UGT2B17: variants seen among roughly 807,000 people sequenced by gnomAD.
UGT2B17 encodes UDP glucuronosyltransferase family 2 member B17, also known as UDP-glucuronosyltransferase 2B17.
In UGT2B17, 21 loss-of-function variants were observed where a neutral mutation model predicts 48.2. The observed-to-expected ratio is 0.44, with a 90% CI of 0.31 to 0.63. The LOEUF (loss-of-function observed/expected upper bound fraction) is 0.63. UGT2B17 is among the 20% of genes least tolerant of loss of function. The pLI is 0.08. For missense variants in UGT2B17, 402 were observed against 696.1 expected (o/e 0.58, Z 4.75); for synonymous variants, 146 against 238.4 (o/e 0.61, Z 3.57).
chr4:68,571,006 A>G (rs1249579844), intron 1 of UGT2B17, among the ~76,000 whole-genome samples: 1 of 126,018 alleles, frequency 7.9e-6, no homozygotes, highest in African/African-American at 2.7e-5. Context: ...GTCTATTTTG[A>G]TAGATTGCAT....
intron 1 of UGT2B17, among the ~76,000 whole-genome samples, chr4:68,569,626 G>A (rs1418053640): frequency 1.6e-5 from 2 of 125,302 alleles, no homozygotes; most frequent in Non-Finnish European, 3.4e-5. Flanking sequence ...ATGCAAGGCT[G>A]CTTGCATCAG....
In UGT2B17 at chr4:68,547,445, C is replaced by T. The variant is rs1334783055; in HGVS notation, c.1313+3232G>A. 4.0e-5 allele frequency among the ~76,000 whole-genome samples: 5 copies of T among 125,620 alleles called. 1 individual carries two copies. Among genetic ancestry groups the T allele is most frequent in the African/African-American group, 1.4e-4 (5 of 36,808 alleles). 82.4% of individuals were successfully genotyped at this position (125,620 alleles called of 152,430 possible). ...TAATTGAAGATGGATTAAAGACTTA[C>T]ATGTTAGACCTAAAACCATAAAAAC... On this transcript the variant is annotated intron_variant, in intron 6 of 6. Transcript: ENST00000317746.
Position 68,571,776 on chromosome 4 carries a change from C to T in UGT2B17, c.-64-3228G>A, listed in dbSNP as rs1215686900. Among the ~76,000 whole-genome samples, 2 of 125,340 alleles carry T rather than the reference C, an allele frequency of 1.6e-5. 1 individual carries two copies. Among genetic ancestry groups the T allele is most frequent in the Admixed American group, 1.6e-4 (2 of 12,214 alleles). The allele number at this position is 125,340 out of a possible 152,430, so 82.2% of individuals were successfully genotyped here. ...GAGGTGACTTGTAGAGACTGGGCTA[C>T]GTGTTAGGCTAATTGCAAAAAGAAA... is the stretch of plus-strand genomic sequence containing the variant. On this transcript the variant is annotated intron_variant, in intron 1 of 6. Transcript: ENST00000317746.
chr4:68,554,409 C>G (rs1730966648), intron 4 of UGT2B17, among the ~76,000 whole-genome samples: 1 of 125,856 alleles, frequency 7.9e-6, no homozygotes, highest in African/African-American at 2.7e-5. Context: ...GTCCTACAAA[C>G]TGTAGAGTTC....
intron 4 of UGT2B17, 134 bp from the exon 5 acceptor site, chr4:68,552,045 T>C: frequency 1.7e-6 from 1 of 593,310 alleles, no homozygotes; most frequent in African/African-American, 2.0e-5. Context: ...TGTCAAGTAA[T>C]GAGAACTACT....
rs2109763439 is a variant in UGT2B17, at chr4:68,547,753, C to T, written c.1313+2924G>A. 1.6e-5 allele frequency among the ~76,000 whole-genome samples: 2 copies of T among 124,864 alleles called. 1 individual carries two copies. Among genetic ancestry groups the T allele is most frequent in the African/African-American group, 5.4e-5 (2 of 36,812 alleles). The allele number at this position is 124,864 out of a possible 152,430, so 81.9% of individuals were successfully genotyped here. The stretch of plus-strand genomic sequence containing the variant: ...AGAAAAAAACAAACAACCTCATCAG[C>T]TTGTGGGTGAAGGAAATGAACAGAC... On this transcript the variant is annotated intron_variant, in intron 6 of 6. Transcript: ENST00000317746.
Position 68,543,740 on chromosome 4 carries a change from A to C in UGT2B17, c.1314-5836T>G, listed in dbSNP as rs1444832378. Among the ~76,000 whole-genome samples the C allele has an allele frequency of 6.4e-5, 8 of 125,262 alleles. 1 individual carries two copies. Among genetic ancestry groups the C allele is most frequent in the African/African-American group, 2.2e-4 (8 of 36,724 alleles). 82.2% of individuals were successfully genotyped at this position (125,262 alleles called of 152,430 possible). On this transcript the variant is annotated intron_variant, in intron 6 of 6. Transcript: ENST00000317746. ...ACCAATGCAGAGAAGTCCTTAAAGG[A>C]CCTGATGGAGCTGAAAACCATGGCA...
In UGT2B17 at chr4:68,575,926, G is replaced by A. The variant is rs1731366783; in HGVS notation, c.-65+25C>T. On this transcript the variant is annotated intron_variant, in intron 1 of 6. Transcript: ENST00000317746. ...CCATGCTTCTACTCAGGTGGAGTGG[G>A]ACAAGTTCAAAAGACTAGTCTTACC... Among the ~76,000 whole-genome samples the A allele has an allele frequency of 3.2e-5, 4 of 126,216 alleles. 2 individuals are homozygous for A. The Admixed American group carries it at 3.2e-4, about 10-fold the overall frequency. 82.8% of individuals were successfully genotyped at this position (126,216 alleles called of 152,430 possible).
rs1578175391 is a variant in UGT2B17 at position 68,576,270 on chromosome 4, G to C, written c.-384C>G. On this transcript the variant is annotated 5_prime_UTR_variant, in exon 1 of 7. Coordinates refer to ENST00000317746, the MANE Select transcript of UGT2B17 (RefSeq NM_001077.4). ...CTCAGACATCGAGTTGTAGAAGGAA[G>C]GGCTTTATTCAGCTGGGAACATTGG... Among the ~76,000 whole-genome samples, 2 of 126,134 alleles carry C rather than the reference G, an allele frequency of 1.6e-5. 1 individual carries two copies. Among genetic ancestry groups the C allele is most frequent in the East Asian group, 1.6e-3 (2 of 1,286 alleles). 82.7% of individuals were successfully genotyped at this position (126,134 alleles called of 152,430 possible). A position where few individuals can be genotyped will look rare whatever the true frequency, so the allele number is the denominator to read the frequency against.
At chr4:68,558,122 T>C in intron 4 of UGT2B17, among the ~76,000 whole-genome samples, 1 of 123,138 alleles carries the variant, frequency 8.1e-6, no homozygotes, top group Non-Finnish European at 1.7e-5. Flanking sequence ...TCCTCCTCTG[T>C]ATACAATAAT....
chr4:68,546,255 G>T (rs568311583), intron 6 of UGT2B17, among the ~76,000 whole-genome samples: 1 of 126,438 alleles, frequency 7.9e-6, no homozygotes, highest in African/African-American at 2.7e-5. Context: ...TCCCTGGGAT[G>T]CAAGGCTAGT....
chr4:68,537,320 G>A lies in UGT2B17; in HGVS notation c.*305C>T, dbSNP rs1413648433. 21 of 163,840 alleles carry A rather than the reference G, an allele frequency of 1.3e-4. 6 individuals carry two copies. Among genetic ancestry groups the A allele is most frequent in the South Asian group, 5.7e-4 (2 of 3,530 alleles). The allele number at this position is 163,840 out of a possible 1,614,324, so 10.1% of individuals were successfully genotyped here. On this transcript the variant is annotated 3_prime_UTR_variant, in exon 7 of 7. Coordinates refer to ENST00000317746, the MANE Select transcript of UGT2B17 (RefSeq NM_001077.4). ...TTAATGTTTTGTGTTCAAATACAAT[G>A]TGTGAAACATAAGGAAGCTCAGTAA...
intron 1 of UGT2B17, among the ~76,000 whole-genome samples, chr4:68,572,276 GT>G (rs1466026177): frequency 8.0e-6 from 1 of 125,628 alleles, no homozygotes; most frequent in Non-Finnish European, 1.7e-5. Context: ...GAGGAGCTCT[GT>G]TTTTTTCGGT....
chr4:68,574,830 T>G (rs1731345555), intron 1 of UGT2B17, among the ~76,000 whole-genome samples: 1 of 125,996 alleles, frequency 7.9e-6, no homozygotes, highest in African/African-American at 2.7e-5. Context: ...TTTTTCAACA[T>G]GTCTCAACTT....
intron 4 of UGT2B17, among the ~76,000 whole-genome samples, chr4:68,559,184 A>T (rs764309061): frequency 2.4e-5 from 3 of 125,432 alleles, no homozygotes; most frequent in Admixed American, 8.2e-5. Context: ...TCTACTAGTC[A>T]TAAGTTATTT....
intron 3 of UGT2B17, among the ~76,000 whole-genome samples, chr4:68,561,512 G>A (rs1463626615): frequency 8.1e-6 from 1 of 124,062 alleles, no homozygotes; most frequent in Non-Finnish European, 1.7e-5. Context: ...AAATTGATGT[G>A]CTATTTATAA....
At chr4:68,541,196 G>T (rs1486320675) in intron 6 of UGT2B17, among the ~76,000 whole-genome samples, 1 of 125,446 alleles carries the variant, frequency 8.0e-6, no homozygotes, top group Admixed American at 8.2e-5. Context: ...TGGTGTTTCT[G>T]GTTCTAGATC....
chr4:68,546,599 T>A (rs952127303), intron 6 of UGT2B17, among the ~76,000 whole-genome samples: 1 of 125,518 alleles, frequency 8.0e-6, no homozygotes, highest in African/African-American at 2.7e-5. Flanking sequence ...GATAAGGAAA[T>A]ACAGGGTATT....
chr4:68,561,058 C>T (rs1731093921), intron 3 of UGT2B17, among the ~76,000 whole-genome samples: 1 of 123,984 alleles, frequency 8.1e-6, no homozygotes, highest in African/African-American at 2.8e-5. Flanking sequence ...TGTAGTTCTA[C>T]TAAATCTCTT....
Sources: gnomAD v4.1 joint callset for allele counts (sites outside exome capture counted in the v4.1 genomes callset) on GRCh38, gnomAD v4.1.1 for gene constraint, MANE v1.5 for transcripts, NCBI Gene and HGNC (gene_info 2026-07-23, HGNC 2026-07-21) for gene names.